ACSM1: variants seen among roughly 807,000 people sequenced by gnomAD.
ACSM1 encodes acyl-CoA synthetase medium chain family member 1, also known as acyl-coenzyme A synthetase ACSM1, mitochondrial.
A neutral mutation model predicts 75.8 loss-of-function variants in ACSM1; 79 were observed. The ratio of observed to expected loss-of-function variants is 1.04; its 90% CI spans 0.87 to 1.26. ACSM1 has a LOEUF of 1.26. ACSM1 is among the 50% of genes most tolerant of loss of function. The pLI is 0.00. For synonymous variants in ACSM1, 279 were observed against 265.8 expected (o/e 1.05, Z -0.48); for missense variants, 676 against 720.1 (o/e 0.94, Z 0.70).
At chr16:20,686,978 ATT>A (rs34041438) in intron 2 of ACSM1, among the ~76,000 whole-genome samples, 204 of 135,942 alleles carry the variant, frequency 1.5e-3, no homozygotes, top group African/African-American at 2.6e-3. Flanking sequence ...AAATTTTGTG[ATT>A]TTTTTTTTTT....
chr16:20,682,505 A>G (rs2079468723), intron 3 of ACSM1, 42 bp from the exon 4 acceptor site: 1 of 1,540,838 alleles, frequency 6.5e-7, no homozygotes, highest in African/African-American at 1.4e-5. Context: ...TTTCTTTTTC[A>G]CAACCATGGG....
intron 4 of ACSM1, among the ~76,000 whole-genome samples, chr16:20,672,106 C>T (rs1260476368): frequency 6.6e-6 from 1 of 151,906 alleles, no homozygotes. Flanking sequence ...AACTGAGACT[C>T]AGAGAGGTTA....
chr16:20,639,647 T>C (rs2152215088), intron 8 of ACSM1, among the ~76,000 whole-genome samples: 1 of 152,370 alleles, frequency 6.6e-6, no homozygotes, highest in East Asian at 1.9e-4. Flanking sequence ...ATTTTCTTTC[T>C]GCAGATAGAT....
Position 20,689,525 on chromosome 16 carries a change from T to TAA in ACSM1, c.192+1470_192+1471dup, listed in dbSNP as rs548362843. On this transcript the variant is annotated intron_variant, in intron 2 of 13. Transcript: ENST00000520010. ...AAAAGACATAGATTGGCAGAATGGATAAAAAAAAAATCCAACTACATGCTG... is the reference window on the plus strand; with the variant it reads ...AAAAGACATAGATTGGCAGAATGGATAAAAAAAAAAAATCCAACTACATGCTG... Among the ~76,000 whole-genome samples the TAA allele has an allele frequency of 2.0e-5, 3 of 149,644 alleles. No individual in the cohort carries two copies. The South Asian group carries it at 6.3e-4, about 32-fold the overall frequency.
In ACSM1 at chr16:20,685,188, C is replaced by T. The variant is rs1371516243; in HGVS notation, c.403+5G>A. 1 of 1,614,178 alleles carries T rather than the reference C, an allele frequency of 6.2e-7. No individual in the cohort carries two copies. The highest frequency in any genetic ancestry group is 1.1e-5 in the South Asian group (1 of 91,078). Reference sequence around the variant, plus strand: ...GGTCCACCAGGTCCCTCTTGCATCACTGACCTGTTCGCATGCAGCCCACAG... The same window carrying T: ...GGTCCACCAGGTCCCTCTTGCATCATTGACCTGTTCGCATGCAGCCCACAG... On this transcript the variant is annotated splice_donor_5th_base_variant and intron_variant, in intron 3 of 13. Coordinates refer to ENST00000520010, the MANE Select transcript of ACSM1 (RefSeq NM_001318890.3).
chr16:20,642,403 T>C (rs765235383), intron 7 of ACSM1, among the ~76,000 whole-genome samples: 26 of 152,224 alleles, frequency 1.7e-4, no homozygotes, highest in Non-Finnish European at 3.5e-4. Context: ...GGTGAGAAGA[T>C]GAATTAGCTA....
chr16:20,642,410 G>C (rs532301340), intron 7 of ACSM1, among the ~76,000 whole-genome samples: 2 of 152,220 alleles, frequency 1.3e-5, no homozygotes, highest in Admixed American at 6.5e-5. Context: ...AGATGAATTA[G>C]CTACAAAACT....
At chr16:20,672,990 A>T (rs34844087) in intron 4 of ACSM1, among the ~76,000 whole-genome samples, 15,100 of 142,066 alleles carry the variant, frequency 0.11, 936 homozygotes, top group East Asian at 0.2. Context: ...AAAATTATAC[A>T]TAAATATATA....
chr16:20,624,052 A>G (rs1297442859), intron 13 of ACSM1, 44 bp downstream of exon 13: 1 of 1,604,088 alleles, frequency 6.2e-7, no homozygotes, highest in African/African-American at 1.3e-5. Context: ...CCTAGCAGGG[A>G]ACGCTTCAGG....
At position 20,640,601 on chromosome 16, in the gene ACSM1, G is replaced by T. The variant is rs371287556; in HGVS notation, c.993-17C>A. 4.5e-5 allele frequency: 72 copies of T among 1,613,942 alleles called. No individual in the cohort carries two copies. The highest frequency in any genetic ancestry group is 5.9e-5 in the Non-Finnish European group (70 of 1,179,954). On this transcript the variant is annotated splice_polypyrimidine_tract_variant and intron_variant, in intron 7 of 13. Coordinates refer to ENST00000520010, the MANE Select transcript of ACSM1 (RefSeq NM_001318890.3). ...AACCTGATGCTTAGAGGAAGACAAG[G>T]TGCCAGGCATTGGTGAGCCACCCTG...
chr16:20,629,854 TG>T (rs1350511192), intron 10 of ACSM1, among the ~76,000 whole-genome samples: 3 of 151,984 alleles, frequency 2.0e-5, no homozygotes, highest in Non-Finnish European at 4.4e-5. Context: ...TAGCTGGGTG[TG>T]GTGGTGTGTG....
At chr16:20,673,765 C>T (rs1303956883) in intron 4 of ACSM1, among the ~76,000 whole-genome samples, 1 of 152,152 alleles carries the variant, frequency 6.6e-6, no homozygotes, top group Admixed American at 6.5e-5. Context: ...TTTAACCTTT[C>T]ATTCAACTAC....
chr16:20,623,527 C>A lies in ACSM1; in HGVS notation c.1693G>T (p.Glu565Ter). The change falls in exon 14 of 14, where the codon GAA becomes TAA. Residue 565 changes from glutamate to a stop codon, truncating the protein, a stop_gained. Transcript: ENST00000520010. LOFTEE classifies it high-confidence loss of function. Reference sequence around the variant, plus strand: ...TCCTTTTTCCGAAGTTCCTTCCGTTCAATCTTGCCAGTGATGGTTTTTGGC... The same window carrying A: ...TCCTTTTTCCGAAGTTCCTTCCGTTAAATCTTGCCAGTGATGGTTTTTGGC... ...ELPKTITGKI[E>*]RKELRKKETG... 2 of 1,614,138 alleles carry A rather than the reference C, an allele frequency of 1.2e-6. No homozygotes were observed. The highest frequency in any genetic ancestry group is 1.1e-5 in the South Asian group (1 of 91,060).
chr16:20,673,398 C>T (rs932057739), intron 4 of ACSM1, among the ~76,000 whole-genome samples: 7 of 152,062 alleles, frequency 4.6e-5, no homozygotes, highest in African/African-American at 1.7e-4. Flanking sequence ...TTCAAGAGTA[C>T]TCTGTTTTAA....
intron 6 of ACSM1, among the ~76,000 whole-genome samples, chr16:20,669,511 G>A (rs2019770325): frequency 6.6e-6 from 1 of 151,106 alleles, no homozygotes; most frequent in Non-Finnish European, 1.5e-5. Context: ...GGCAGCATCA[G>A]GGTCCAGGAT....
intron 8 of ACSM1, among the ~76,000 whole-genome samples, chr16:20,639,220 C>A (rs1355285315): frequency 1.3e-5 from 2 of 152,172 alleles, no homozygotes; most frequent in Non-Finnish European, 2.9e-5. Context: ...CTTGAACTTC[C>A]AGACATGCAT....
At chr16:20,659,573 T>A (rs1255087388) in intron 7 of ACSM1, among the ~76,000 whole-genome samples, 1 of 152,046 alleles carries the variant, frequency 6.6e-6, no homozygotes, top group African/African-American at 2.4e-5. Flanking sequence ...AGGAAGAAAA[T>A]CAAAATATTG....
chr16:20,627,824 ATCTCTCTCTCTCTCTCTC>A (rs68102086), intron 10 of ACSM1, among the ~76,000 whole-genome samples: 2 of 99,128 alleles, frequency 2.0e-5, no homozygotes, highest in Non-Finnish European at 3.9e-5. Context: ...GTGAGACTTC[ATCTCTCTCTCTCTCTCTC>A]TCTCTCTCTC....
intron 1 of ACSM1, among the ~76,000 whole-genome samples, chr16:20,691,750 A>AGTGT (rs2079654450): frequency 1.1e-5 from 1 of 87,900 alleles, no homozygotes; most frequent in African/African-American, 5.1e-5. Flanking sequence ...ATACCTCTCC[A>AGTGT]ATGTGTGTGT....
Sources: allele counts gnomAD v4.1 joint callset (sites outside exome capture counted in the v4.1 genomes callset), GRCh38; gene constraint gnomAD v4.1.1; transcripts MANE v1.5; gene names NCBI Gene and HGNC (gene_info 2026-07-23, HGNC 2026-07-21).